Variants in MCCC1 observed in about 807,000 individuals in gnomAD.
The protein encoded by MCCC1 is methylcrotonoyl-CoA carboxylase subunit alpha, mitochondrial.
In MCCC1, 64 loss-of-function variants were observed where a neutral mutation model predicts 83.8. The ratio of observed to expected loss-of-function variants is 0.76; its 90% CI spans 0.62 to 0.94. The LOEUF is 0.94. Among genes scored for constraint, MCCC1 ranks in the 40% least tolerant of loss-of-function variants. MCCC1 has a pLI of 0.00. For missense variants in MCCC1, 807 were observed against 904.7 expected (o/e 0.89, Z 1.39); for synonymous variants, 322 against 315.4 (o/e 1.02, Z -0.22).
intron 4 of MCCC1, among the ~76,000 whole-genome samples, chr3:183,072,875 C>T (rs1716802155): frequency 1.3e-5 from 2 of 152,140 alleles, no homozygotes; most frequent in African/African-American, 4.8e-5. Flanking sequence ...CCCTAGTAAC[C>T]AGGATTTTAC....
chr3:183,092,147 G>A (rs1718404497), intron 3 of MCCC1, among the ~76,000 whole-genome samples: 1 of 152,084 alleles, frequency 6.6e-6, no homozygotes, highest in Non-Finnish European at 1.5e-5. Context: ...CAGTGGATCC[G>A]CAACATTCTG....
intron 3 of MCCC1, among the ~76,000 whole-genome samples, chr3:183,091,716 T>G (rs1005521888): frequency 9.3e-6 from 1 of 107,332 alleles, no homozygotes; most frequent in Non-Finnish European, 2.6e-5. Context: ...TTGGCTAAGA[T>G]CACTCAGCCA....
intron 4 of MCCC1, among the ~76,000 whole-genome samples, chr3:183,075,091 A>G (rs1308976856): frequency 6.6e-6 from 1 of 152,322 alleles, no homozygotes; most frequent in South Asian, 2.1e-4. Context: ...GTGTATATGT[A>G]CCACCTTTTC....
At position 183,029,727 on chromosome 3, in the gene MCCC1, T is replaced by C. The variant is rs575479748; in HGVS notation, c.1682-3923A>G. Among the ~76,000 whole-genome samples, 203 of 152,272 alleles carry C rather than the reference T, an allele frequency of 1.3e-3. 1 individual carries two copies. Among genetic ancestry groups the C allele is most frequent in the Non-Finnish European group, 2.3e-3 (155 of 68,012 alleles). ...TTTTTAAAAATTTTTATTTTATAAA[T>C]AGGGACAGTTACTACAAAGCTGCCA... On this transcript the variant is annotated intron_variant, in intron 14 of 18. Coordinates refer to ENST00000265594, the MANE Select transcript of MCCC1 (RefSeq NM_020166.5).
chr3:183,040,224 AAAT>A (rs1713964795), intron 11 of MCCC1, among the ~76,000 whole-genome samples: 1 of 152,038 alleles, frequency 6.6e-6, no homozygotes, highest in African/African-American at 2.4e-5. Context: ...AGAGCTCTCA[AAAT>A]GCTGCCAATT....
chr3:183,029,940 C>T lies in MCCC1; in HGVS notation c.1681+4051G>A, dbSNP rs1262790882. Among the ~76,000 whole-genome samples, 4 of 152,262 alleles carry T rather than the reference C, an allele frequency of 2.6e-5. No homozygotes were observed. In the East Asian group the frequency reaches 7.7e-4, roughly 29 times the overall value. On this transcript the variant is annotated intron_variant, in intron 14 of 18. Transcript: ENST00000265594. ...TTGGCCTGATATTGGAGGCCCCACC[C>T]TCTCAGTCTTATTTCCTACCATTCT...
chr3:183,069,482 C>T (rs1053960388), intron 7 of MCCC1, among the ~76,000 whole-genome samples: 2 of 152,124 alleles, frequency 1.3e-5, no homozygotes, highest in Admixed American at 6.5e-5. Context: ...AAATGCCCCC[C>T]CCTTTTTTTT....
At chr3:183,115,497 G>T (rs1015762049) in exon 1 of MCCC1, 4 of 152,276 alleles carry the variant, frequency 2.6e-5, no homozygotes, top group African/African-American at 9.7e-5. Context: ...GTCCGTGCCA[G>T]CGGATTCTTG....
At chr3:183,028,093 G>T (rs1484600437) in intron 14 of MCCC1, among the ~76,000 whole-genome samples, 1 of 152,168 alleles carries the variant, frequency 6.6e-6, no homozygotes, top group Non-Finnish European at 1.5e-5. Context: ...CTTTCTAGGG[G>T]TTAATGCAGC....
chr3:183,046,448 G>A (rs900085193), intron 9 of MCCC1, among the ~76,000 whole-genome samples: 3 of 150,892 alleles, frequency 2.0e-5, no homozygotes, highest in South Asian at 2.1e-4. Flanking sequence ...TCCAGGCTGG[G>A]GTGCAATGGC....
chr3:183,016,069 C>T (rs1349242406), intron 18 of MCCC1, among the ~76,000 whole-genome samples: 2 of 151,584 alleles, frequency 1.3e-5, no homozygotes, highest in African/African-American at 4.9e-5. Context: ...ACTGGGACTA[C>T]AGGTGTGTGC....
At chr3:183,114,750 G>A (rs550813655) in intron 1 of MCCC1, among the ~76,000 whole-genome samples, 24 of 152,114 alleles carry the variant, frequency 1.6e-4, no homozygotes, top group Non-Finnish European at 2.4e-4. Context: ...TCTGGAAACG[G>A]AGCAAGGAAT....
In MCCC1 at chr3:183,064,749, C is replaced by A. The variant is rs1334673439; in HGVS notation, c.761+6250G>T. 6.6e-6 allele frequency among the ~76,000 whole-genome samples: 1 copy of A among 152,198 alleles called. No individual in the cohort carries two copies. The stretch of plus-strand genomic sequence containing the variant: ...GCAGCCGGCTCCGTGGACAGCAGGG[C>A]GAAGCGGGTAATGTAGGGGTGCAGC... On this transcript the variant is annotated intron_variant, in intron 7 of 18. Coordinates refer to ENST00000265594, the MANE Select transcript of MCCC1 (RefSeq NM_020166.5). The surrounding 1 kb of genome is among the most constrained non-coding windows in gnomAD (Gnocchi z 4.5).
intron 4 of MCCC1, among the ~76,000 whole-genome samples, chr3:183,078,647 GT>G (rs35294219): frequency 6.6e-6 from 1 of 152,122 alleles, no homozygotes; most frequent in Non-Finnish European, 1.5e-5. Context: ...GAATGTAACT[GT>G]TTCCTTAATT....
chr3:183,032,878 A>G (rs1291151672), intron 14 of MCCC1, among the ~76,000 whole-genome samples: 2 of 151,948 alleles, frequency 1.3e-5, no homozygotes, highest in African/African-American at 4.8e-5. Flanking sequence ...TGTGTCAAAA[A>G]AAAAAAAAAA....
At chr3:183,047,098 A>C (rs779812901) in intron 9 of MCCC1, among the ~76,000 whole-genome samples, 1 of 152,184 alleles carries the variant, frequency 6.6e-6, no homozygotes, top group Non-Finnish European at 1.5e-5. Flanking sequence ...AAATGAAACC[A>C]CTTTGAAATA....
chr3:183,050,197 T>TA (rs1195747608), intron 9 of MCCC1, among the ~76,000 whole-genome samples: 2 of 151,500 alleles, frequency 1.3e-5, no homozygotes, highest in African/African-American at 2.4e-5. Flanking sequence ...AAAATTAAAT[T>TA]AAAAAAAGAG....
chr3:183,071,586 A>T, intron 5 of MCCC1, among the ~76,000 whole-genome samples: 1 of 152,216 alleles, frequency 6.6e-6, no homozygotes, highest in East Asian at 1.9e-4. Context: ...TAATATATTG[A>T]TTAGAAACAT....
Position 183,094,573 on chromosome 3 carries a change from T to TA in MCCC1, c.121dup (p.Tyr41LeufsTer40). 1 of 1,614,202 alleles carries TA rather than the reference T, an allele frequency of 6.2e-7. No individual in the cohort carries two copies. Among genetic ancestry groups the TA allele is most frequent in the Non-Finnish European group, 8.5e-7 (1 of 1,180,024 alleles). On this transcript the variant is annotated frameshift_variant, in exon 2 of 19. Coordinates refer to ENST00000265594, the MANE Select transcript of MCCC1 (RefSeq NM_020166.5). LOFTEE classifies it high-confidence loss of function. ...TCTGTCAGTACCTGTGGCTGTTGTG[T>TA]ACTTCATGGTTCTTTGCCTCCACAC... is the stretch of plus-strand genomic sequence containing the variant.
Sources: gnomAD v4.1 joint callset for allele counts (sites outside exome capture counted in the v4.1 genomes callset) on GRCh38, gnomAD v4.1.1 for gene constraint, Gnocchi (gnomAD v3.1) non-coding constraint, MANE v1.5 for transcripts, NCBI Gene and HGNC (gene_info 2026-07-23, HGNC 2026-07-21) for gene names.